The following PLPPR4 variants were observed in gnomAD, a reference collection of about 807,000 sequenced individuals.
PLPPR4 encodes phospholipid phosphatase related 4, also known as phospholipid phosphatase-related protein type 4.
Under a neutral mutation model 56.6 loss-of-function variants are expected in PLPPR4, and 24 were observed. That is an observed-to-expected ratio of 0.42 (90% CI 0.31 to 0.60). PLPPR4 has a LOEUF of 0.60. PLPPR4 is among the 20% of genes least tolerant of loss of function. The pLI is 0.13. For synonymous variants in PLPPR4, 326 were observed against 328.1 expected, an observed-to-expected ratio of 0.99 and a Z score of 0.07; for missense variants, 654 against 885.8, an observed-to-expected ratio of 0.74 and a Z score of 3.32.
At chr1:99,286,786 A>G (rs906468988) in intron 1 of PLPPR4, among the ~76,000 whole-genome samples, 5 of 152,330 alleles carry the variant, frequency 3.3e-5, no homozygotes, top group African/African-American at 1.2e-4. Flanking sequence ...AACGTAGTAC[A>G]AGAAGAATCA....
chr1:99,264,343 C>T, upstream of PLPPR4: 1 of 973,544 alleles, frequency 1.0e-6, no homozygotes, highest in Non-Finnish European at 1.5e-6. Flanking sequence ...CGTCTCTCGC[C>T]AGAAAAACGG....
chr1:99,293,302 T>G (rs113479635), intron 2 of PLPPR4, among the ~76,000 whole-genome samples: 2 of 152,342 alleles, frequency 1.3e-5, no homozygotes, highest in African/African-American at 2.4e-5. Context: ...AACTTGTCTT[T>G]GTGATGTTAT....
chr1:99,294,816 C>T (rs182846041), intron 2 of PLPPR4, among the ~76,000 whole-genome samples: 2 of 151,868 alleles, frequency 1.3e-5, no homozygotes, highest in East Asian at 3.9e-4. Flanking sequence ...TAATTCAACA[C>T]TCATGGACAA....
chr1:99,280,521 T>C (rs916611308), intron 1 of PLPPR4, among the ~76,000 whole-genome samples: 6 of 152,172 alleles, frequency 3.9e-5, no homozygotes, highest in Non-Finnish European at 7.3e-5. Context: ...ACTGGGTGAA[T>C]TGCAAAGGTT....
chr1:99,265,156 CA>C (rs1322946040), intron 1 of PLPPR4, among the ~76,000 whole-genome samples: 5 of 107,510 alleles, frequency 4.7e-5, no homozygotes, highest in African/African-American at 6.9e-5. Flanking sequence ...CCCCCCCCCC[CA>C]AATCCTTCTC....
At position 99,306,477 on chromosome 1, in the gene PLPPR4, GGT is replaced by G. The variant is rs755809585; in HGVS notation, c.1618_1619del (p.Val540ProfsTer9). Reference protein sequence around the residue: ...MQVIAMSKQQGVLQSSPKNTE... With the variant: ...MQVIAMSKQQXVLQSSPKNTE... ...AGTCATAGCCATGTCCAAGCAGCAGGGTGTCCTCCAAAGCAGCCCCAAGAACA... is the reference window on the plus strand; with the variant it reads ...AGTCATAGCCATGTCCAAGCAGCAGGGTCCTCCAAAGCAGCCCCAAGAACA... On this transcript the variant is annotated frameshift_variant, in exon 7 of 7. Coordinates refer to ENST00000370185, the MANE Select transcript of PLPPR4 (RefSeq NM_014839.5). LOFTEE classifies it high-confidence loss of function. This position sits in a 1 kb window ranked among gnomAD's most constrained non-coding sequence, Gnocchi z 4.0. 2.5e-6 allele frequency: 4 copies of G among 1,614,012 alleles called. No homozygotes were observed. The highest frequency in any genetic ancestry group is 1.3e-5 in the African/African-American group (1 of 74,908).
intron 5 of PLPPR4, 90 bp from the exon 6 acceptor site, chr1:99,301,634 A>G (rs1256924412): frequency 1.1e-6 from 1 of 909,262 alleles, no homozygotes; most frequent in Non-Finnish European, 1.6e-6. Context: ...ACTGAAGTCA[A>G]TTGTATCAGA....
At chr1:99,276,373 C>T (rs979943358) in intron 1 of PLPPR4, among the ~76,000 whole-genome samples, 1 of 151,950 alleles carries the variant, frequency 6.6e-6, no homozygotes, top group Non-Finnish European at 1.5e-5. Context: ...ATTTGTTAAG[C>T]ATTGAATGTA....
chr1:99,306,083 T>C lies in PLPPR4; in HGVS notation c.1221T>C (p.Asn407=), dbSNP rs1557784260. Residue 407 remains asparagine (N), a synonymous_variant, in exon 7 of 7, where the codon AAT becomes AAC. Coordinates refer to ENST00000370185, the MANE Select transcript of PLPPR4 (RefSeq NM_014839.5). The surrounding 1 kb of genome is among the most constrained non-coding windows in gnomAD (Gnocchi z 4.0). ...TCCTCACCCAGTGGAAGAATAAGAA[T>C]GAAAGTCGAAAGTTGTCCTTGCAAG... ...KQLLTQWKNK[N]ESRKLSLQVI... is the part of the protein sequence containing the mutation. 1 of 1,614,038 alleles carries C rather than the reference T, an allele frequency of 6.2e-7. No individual in the cohort carries two copies. The highest frequency in any genetic ancestry group is 1.3e-5 in the African/African-American group (1 of 74,970).
Position 99,307,192 on chromosome 1 carries a change from A to T in PLPPR4, c.*182A>T. The T allele has an allele frequency of 1.5e-6, 1 of 669,864 alleles. No homozygotes were observed. Among genetic ancestry groups the T allele is most frequent in the Non-Finnish European group, 2.5e-6 (1 of 404,836 alleles). The allele number at this position is 669,864 out of a possible 1,614,324, so 41.5% of individuals were successfully genotyped here. A position where few individuals can be genotyped will look rare whatever the true frequency, so the allele number is the denominator to read the frequency against. ...AGATCTCACATCAAGGAGAGGGAAA[A>T]GCACAATGCAAGAACCTAACTAACG... is the stretch of plus-strand genomic sequence containing the variant. On this transcript the variant is annotated 3_prime_UTR_variant, in exon 7 of 7. Coordinates refer to ENST00000370185, the MANE Select transcript of PLPPR4 (RefSeq NM_014839.5).
At position 99,302,726 on chromosome 1, in the gene PLPPR4, C is replaced by T. The variant is rs1180024094; in HGVS notation, c.822+829C>T. ...TCCCCTTCCTGTGTCCATGTGTTCT[C>T]ATTGTTCAATTCCCATCTATGAGTG... On this transcript the variant is annotated intron_variant, in intron 6 of 6. Coordinates refer to ENST00000370185, the MANE Select transcript of PLPPR4 (RefSeq NM_014839.5). 1.3e-4 allele frequency among the ~76,000 whole-genome samples: 18 copies of T among 139,242 alleles called. No individual in the cohort carries two copies. In the Admixed American group the frequency reaches 1.4e-3, roughly 11 times the overall value. 91.3% of individuals were successfully genotyped at this position (139,242 alleles called of 152,430 possible). A position where few individuals can be genotyped will look rare whatever the true frequency, so the allele number is the denominator to read the frequency against.
intron 6 of PLPPR4, 86 bp downstream of exon 6, chr1:99,301,983 G>A (rs1033637585): frequency 1.7e-5 from 15 of 861,350 alleles, no homozygotes; most frequent in African/African-American, 8.5e-5. Context: ...GCTTCCTTGC[G>A]ATATATTTTA....
chr1:99,268,702 G>GTA (rs1241542100), intron 1 of PLPPR4, among the ~76,000 whole-genome samples: 1 of 152,092 alleles, frequency 6.6e-6, no homozygotes, highest in Non-Finnish European at 1.5e-5. Flanking sequence ...GTTTTACACT[G>GTA]TACAGCCTGG....
intron 1 of PLPPR4, among the ~76,000 whole-genome samples, chr1:99,283,867 G>A (rs1270129732): frequency 6.6e-6 from 1 of 152,098 alleles, no homozygotes; most frequent in Non-Finnish European, 1.5e-5. Context: ...CAGGAGAATC[G>A]CTTGAACTCG....
chr1:99,295,968 A>G (rs947302700), intron 2 of PLPPR4, among the ~76,000 whole-genome samples: 1 of 152,208 alleles, frequency 6.6e-6, no homozygotes, highest in African/African-American at 2.4e-5. Flanking sequence ...AGAGGTTTCA[A>G]AGAAAACTTA....
At chr1:99,278,074 T>C (rs987382962) in intron 1 of PLPPR4, among the ~76,000 whole-genome samples, 3 of 152,138 alleles carry the variant, frequency 2.0e-5, no homozygotes, top group African/African-American at 7.2e-5. Flanking sequence ...TAACTATCTA[T>C]AAAAAGAAAT....
At chr1:99,264,459 G>A, upstream of PLPPR4, 3 of 1,500,566 alleles carry the variant, frequency 2.0e-6, no homozygotes, top group Non-Finnish European at 2.7e-6. Context: ...CATGCAGCGC[G>A]CTGGCTCCAG....
Position 99,290,649 on chromosome 1 carries a change from A to G in PLPPR4, c.264+2499A>G, listed in dbSNP as rs529792111. Among the ~76,000 whole-genome samples the G allele has an allele frequency of 1.2e-4, 18 of 152,216 alleles. No homozygotes were observed. The South Asian group carries it at 3.3e-3, about 28-fold the overall frequency. ...CTAGAAATAAGACTGCACACCTACA[A>G]CTATCTGATCTTTGACAATCCTGAC... On this transcript the variant is annotated intron_variant, in intron 2 of 6. Coordinates refer to ENST00000370185, the MANE Select transcript of PLPPR4 (RefSeq NM_014839.5).
chr1:99,296,879 G>T lies in PLPPR4; in HGVS notation c.394+12G>T, dbSNP rs200556246. ...TGTCAGATTCGTTGGTGGGTGTGGG[G>T]AACCACAAAGAAAAGAAATGCTTTT... On this transcript the variant is annotated intron_variant, in intron 3 of 6. Coordinates refer to ENST00000370185, the MANE Select transcript of PLPPR4 (RefSeq NM_014839.5). The T allele has an allele frequency of 1.3e-6, 2 of 1,522,182 alleles. No individual in the cohort carries two copies. The highest frequency in any genetic ancestry group is 1.3e-5 in the South Asian group (1 of 75,878). 94.3% of individuals were successfully genotyped at this position (1,522,182 alleles called of 1,614,324 possible). A position where few individuals can be genotyped will look rare whatever the true frequency, so the allele number is the denominator to read the frequency against.
Sources: allele counts gnomAD v4.1 joint callset (sites outside exome capture counted in the v4.1 genomes callset), GRCh38; gene constraint gnomAD v4.1.1; non-coding constraint Gnocchi (gnomAD v3.1); transcripts MANE v1.5; gene names NCBI Gene and HGNC (gene_info 2026-07-23, HGNC 2026-07-21).